ARMH3: variants seen among roughly 807,000 people sequenced by gnomAD.
The protein encoded by ARMH3 is armadillo like helical domain containing 3, also known as armadillo-like helical domain-containing protein 3.
In ARMH3, 60 loss-of-function variants were observed where a neutral mutation model predicts 99.1. The ratio of observed to expected loss-of-function variants is 0.61; its 90% CI spans 0.49 to 0.75. The LOEUF (loss-of-function observed/expected upper bound fraction) is 0.75, where lower values mean the gene tolerates loss of function less well. Ranked by LOEUF, ARMH3 falls within the 30% of genes least tolerant of loss-of-function variation. The probability of loss-of-function intolerance (pLI) is 0.00; values close to 1 mark genes in which losing one functional copy is unlikely to be tolerated. For missense variants in ARMH3, 679 were observed against 843.1 expected, an observed-to-expected ratio of 0.81 and a Z score of 2.41; for synonymous variants, 285 against 292.8, an observed-to-expected ratio of 0.97 and a Z score of 0.27.
chr10:101,865,725 A>G (rs533280074), intron 24 of ARMH3, among the ~76,000 whole-genome samples: 2 of 151,084 alleles, frequency 1.3e-5, no homozygotes, highest in East Asian at 4.0e-4. Context: ...CTGACCTCAG[A>G]TGATCCGCCC....
chr10:101,944,265 TATATATATAG>T (rs1844387665), intron 22 of ARMH3, among the ~76,000 whole-genome samples: 1 of 56,468 alleles, frequency 1.8e-5, no homozygotes, highest in Admixed American at 2.2e-4. Context: ...TATATATATA[TATATATATAG>T]AGAGAGAGAG....
At chr10:101,959,326 A>C (rs71471226) in intron 20 of ARMH3, among the ~76,000 whole-genome samples, 3 of 152,090 alleles carry the variant, frequency 2.0e-5, no homozygotes, top group Non-Finnish European at 2.9e-5. Flanking sequence ...GGGGCTGCCC[A>C]CCCCACCACC....
intron 19 of ARMH3, among the ~76,000 whole-genome samples, chr10:101,986,604 TA>T: frequency 6.6e-6 from 1 of 152,224 alleles, no homozygotes. Context: ...AGGAAGATTA[TA>T]AACTTATCTG....
intron 14 of ARMH3, among the ~76,000 whole-genome samples, chr10:102,005,682 A>G (rs1338394757): frequency 1.3e-5 from 2 of 152,248 alleles, no homozygotes; most frequent in African/African-American, 2.4e-5. Context: ...AAATATTAAC[A>G]TAGATTGTTT....
At chr10:101,946,190 A>C (rs1261581003) in intron 22 of ARMH3, among the ~76,000 whole-genome samples, 3 of 152,058 alleles carry the variant, frequency 2.0e-5, no homozygotes, top group African/African-American at 4.8e-5. Context: ...AGAAAAGACA[A>C]AAAACAGATA....
chr10:102,000,874 T>G (rs978420623), intron 15 of ARMH3, among the ~76,000 whole-genome samples: 1 of 152,028 alleles, frequency 6.6e-6, no homozygotes, highest in Non-Finnish European at 1.5e-5. Context: ...TGGGGTACAG[T>G]GGCGCGATCT....
intron 23 of ARMH3, among the ~76,000 whole-genome samples, chr10:101,935,604 A>G (rs1041267277): frequency 3.3e-5 from 5 of 152,206 alleles, no homozygotes; most frequent in Admixed American, 2.6e-4. Context: ...TCTCAAAGAC[A>G]TAATTTGGAG....
chr10:102,021,164 C>T (rs2066876124), intron 8 of ARMH3, among the ~76,000 whole-genome samples: 2 of 151,688 alleles, frequency 1.3e-5, no homozygotes, highest in African/African-American at 4.8e-5. Context: ...GTAACCTCCA[C>T]CTCCTGGGCT....
At chr10:102,003,083 C>A (rs764187082) in intron 14 of ARMH3, among the ~76,000 whole-genome samples, 2 of 152,080 alleles carry the variant, frequency 1.3e-5, no homozygotes, top group Admixed American at 1.3e-4. Flanking sequence ...AGAAATCCCC[C>A]ACCCAGTTCT....
intron 11 of ARMH3, among the ~76,000 whole-genome samples, 181 bp downstream of exon 11, chr10:102,011,542 A>G (rs1432906252): frequency 6.6e-6 from 1 of 152,040 alleles, no homozygotes; most frequent in Non-Finnish European, 1.5e-5. Context: ...GGGGATTCAA[A>G]AAAAAAAGAA....
chr10:101,866,971 C>T (rs1483502713), intron 24 of ARMH3, among the ~76,000 whole-genome samples: 1 of 151,988 alleles, frequency 6.6e-6, no homozygotes, highest in African/African-American at 2.4e-5. Context: ...CAAAAGTACC[C>T]TATTCTGAAA....
intron 23 of ARMH3, among the ~76,000 whole-genome samples, chr10:101,894,134 A>G (rs189797759): frequency 2.2e-4 from 34 of 152,304 alleles, no homozygotes; most frequent in Admixed American, 5.9e-4. Context: ...CAAAGGCAGT[A>G]TATGTGTCGG....
chr10:102,001,295 C>A (rs2066356507), intron 15 of ARMH3, among the ~76,000 whole-genome samples: 1 of 151,882 alleles, frequency 6.6e-6, no homozygotes, highest in Admixed American at 6.6e-5. Context: ...GGAAAAAAAA[C>A]AAAACTAAGA....
chr10:101,936,505 AAAAG>A (rs1430289871), intron 23 of ARMH3, among the ~76,000 whole-genome samples: 9 of 151,650 alleles, frequency 5.9e-5, no homozygotes, highest in Non-Finnish European at 1.0e-4. Flanking sequence ...AAAAAAAAAA[AAAAG>A]AAAGGAAAAA....
intron 8 of ARMH3, among the ~76,000 whole-genome samples, chr10:102,014,725 T>C (rs563796623): frequency 2.0e-5 from 3 of 152,336 alleles, no homozygotes; most frequent in Admixed American, 6.5e-5. Context: ...GGAAGAGTTC[T>C]TGGGTTTTTC....
At chr10:101,972,132 T>C (rs555539303) in intron 20 of ARMH3, among the ~76,000 whole-genome samples, 14 of 152,262 alleles carry the variant, frequency 9.2e-5, no homozygotes, top group African/African-American at 2.4e-4. Flanking sequence ...TCAGGCAAGA[T>C]TGAACCCCCA....
chr10:102,035,527 C>T (rs982670680), intron 2 of ARMH3, among the ~76,000 whole-genome samples: 21 of 152,198 alleles, frequency 1.4e-4, no homozygotes, highest in African/African-American at 4.6e-4. Context: ...CCTCAGCCTG[C>T]GGAGTGCCTG....
At chr10:102,051,938 C>T (rs1003728448) in intron 1 of ARMH3, among the ~76,000 whole-genome samples, 5 of 152,120 alleles carry the variant, frequency 3.3e-5, no homozygotes, top group Admixed American at 6.6e-5. Flanking sequence ...TTCCTCCTTC[C>T]GAAGGGGGAA....
At chr10:101,949,097 T>C (rs943870804) in intron 22 of ARMH3, among the ~76,000 whole-genome samples, 3 of 151,844 alleles carry the variant, frequency 2.0e-5, no homozygotes, top group Admixed American at 6.6e-5. Context: ...AAAGCAGTAC[T>C]TAAAGGGAAA....
Sources: allele counts gnomAD v4.1 joint callset (sites outside exome capture counted in the v4.1 genomes callset), GRCh38; gene constraint gnomAD v4.1.1; transcripts MANE v1.5; gene names NCBI Gene and HGNC (gene_info 2026-07-23, HGNC 2026-07-21).